The following EDEM3 variants were observed in gnomAD, a reference collection of about 807,000 sequenced individuals.
The protein encoded by EDEM3 is ER degradation-enhancing alpha-mannosidase-like protein 3.
Under a neutral mutation model 110.2 loss-of-function variants are expected in EDEM3, and 60 were observed. That is an observed-to-expected ratio of 0.54 (90% CI 0.44 to 0.67). EDEM3 has a LOEUF of 0.67. Ranked by LOEUF, EDEM3 falls within the 30% of genes least tolerant of loss-of-function variation. The pLI is 0.00. For missense variants in EDEM3, 996 were observed against 1,121.0 expected, an observed-to-expected ratio of 0.89 and a Z score of 1.59; for synonymous variants, 352 against 382.9, an observed-to-expected ratio of 0.92 and a Z score of 0.94.
rs1233888195 is a variant in EDEM3, at chr1:184,708,075, TAGAGA to T, written c.2037+73_2037+77del. 21 of 1,265,512 alleles carry T rather than the reference TAGAGA, an allele frequency of 1.7e-5. No homozygotes were observed. The East Asian group carries it at 5.8e-4, about 35-fold the overall frequency. 78.4% of individuals were successfully genotyped at this position (1,265,512 alleles called of 1,614,324 possible). Reference sequence around the variant, plus strand: ...TTTAAATAAATTAAAACTACTAAATTAGAGAAGAGACTAAGAAATAAGGCAATACT... The same window carrying T: ...TTTAAATAAATTAAAACTACTAAATTAGAGACTAAGAAATAAGGCAATACT... On this transcript the variant is annotated intron_variant, in intron 17 of 19. Coordinates refer to ENST00000318130, the MANE Select transcript of EDEM3 (RefSeq NM_025191.4).
At position 184,693,872 on chromosome 1, in the gene EDEM3, A is replaced by G; in HGVS notation, c.*191T>C. 1 of 566,808 alleles carries G rather than the reference A, an allele frequency of 1.8e-6. No individual in the cohort carries two copies. The allele number at this position is 566,808 out of a possible 1,614,324, so 35.1% of individuals were successfully genotyped here. On this transcript the variant is annotated 3_prime_UTR_variant, in exon 20 of 20. Coordinates refer to ENST00000318130, the MANE Select transcript of EDEM3 (RefSeq NM_025191.4). ...TGTGGATTTCCATTTTTGATGGGAC[A>G]GTTTTAAACAAGGTCAATTCTAACA...
Position 184,716,956 on chromosome 1 carries a change from A to G in EDEM3, c.1302T>C (p.Asn434=). Residue 434 remains asparagine (N), a synonymous_variant, in exon 13 of 20, where the codon AAT becomes AAC. Transcript: ENST00000318130. The stretch of plus-strand genomic sequence containing the variant: ...ATCCGCAAGGCACTCTAGCATATTT[A>G]TTTAAATTTTCAATAAGTGTCTTCC... The part of the protein sequence containing the change: ...EVGKTLIENL[N]KYARVPCGFA... 1 of 1,613,240 alleles carries G rather than the reference A, an allele frequency of 6.2e-7. No homozygotes were observed. Among genetic ancestry groups the G allele is most frequent in the Non-Finnish European group, 8.5e-7 (1 of 1,179,292 alleles).
In EDEM3 at chr1:184,742,414, C is replaced by T. The variant is rs143717268; in HGVS notation, c.205-4703G>A. Among the ~76,000 whole-genome samples the T allele has an allele frequency of 2.4e-3, 365 of 151,974 alleles. 2 individuals carry two copies. The highest frequency in any genetic ancestry group is 9.8e-3 in the South Asian group (47 of 4,810). On this transcript the variant is annotated intron_variant, in intron 2 of 19. Coordinates refer to ENST00000318130, the MANE Select transcript of EDEM3 (RefSeq NM_025191.4). Reference sequence around the variant, plus strand: ...AAATTCCTAATTACTTTTTTTGAAACGGAGTCTCACTCTTTCACCCAGGCT... The same window carrying T: ...AAATTCCTAATTACTTTTTTTGAAATGGAGTCTCACTCTTTCACCCAGGCT...
rs564105628 is a variant in EDEM3, at chr1:184,692,194, C to T, written c.*1869G>A. The T allele has an allele frequency of 3.3e-5, 5 of 152,182 alleles. No homozygotes were observed. In the South Asian group the frequency reaches 1.0e-3, roughly 32 times the overall value. The allele number at this position is 152,182 out of a possible 1,614,324, so 9.4% of individuals were successfully genotyped here. ...AATTAAGCTTCAACTATTTTGGCAG[C>T]TTTGCAATTAAAATGAACAAAGCAC... is the stretch of plus-strand genomic sequence containing the variant. On this transcript the variant is annotated 3_prime_UTR_variant, in exon 20 of 20. Transcript: ENST00000318130.
chr1:184,712,734 T>C (rs2102074772), intron 13 of EDEM3, 136 bp from the exon 14 acceptor site: 1 of 571,692 alleles, frequency 1.7e-6, no homozygotes, highest in Non-Finnish European at 2.9e-6. Context: ...AATGTATCAA[T>C]CTACCAGGGG....
chr1:184,704,649 C>CAAAAAAAAAAAAAAA (rs58913815), intron 18 of EDEM3, among the ~76,000 whole-genome samples: 2 of 29,906 alleles, frequency 6.7e-5, no homozygotes, highest in African/African-American at 1.1e-4. Flanking sequence ...GACTCTGTCT[C>CAAAAAAAAAAAAAAA]AAAAAAAAAA....
intron 19 of EDEM3, among the ~76,000 whole-genome samples, chr1:184,702,428 CTA>C (rs1453378689): frequency 1.3e-5 from 2 of 152,038 alleles, no homozygotes; most frequent in Non-Finnish European, 2.9e-5. Context: ...ATACAACATT[CTA>C]TATATGTCTT....
In EDEM3 at chr1:184,717,528, A is replaced by G. The variant is rs773234908; in HGVS notation, c.1245+12T>C. On this transcript the variant is annotated intron_variant, in intron 12 of 19. Coordinates refer to ENST00000318130, the MANE Select transcript of EDEM3 (RefSeq NM_025191.4). ...GGCTAAACTTTAAGTAAAATGGGGT[A>G]TATTTTCTTACTTTATATAAGAAGT... is the stretch of plus-strand genomic sequence containing the variant. 1 of 1,596,552 alleles carries G rather than the reference A, an allele frequency of 6.3e-7. No individual in the cohort carries two copies. Among genetic ancestry groups the G allele is most frequent in the Admixed American group, 1.7e-5 (1 of 58,006 alleles).
chr1:184,696,576 T>A (rs1451807608), intron 19 of EDEM3, among the ~76,000 whole-genome samples: 1 of 151,800 alleles, frequency 6.6e-6, no homozygotes, highest in African/African-American at 2.4e-5. Context: ...TTCTTAGGGT[T>A]TTTTTTCCGG....
chr1:184,708,014 C>A, intron 17 of EDEM3, 139 bp downstream of exon 17: 1 of 762,762 alleles, frequency 1.3e-6, no homozygotes, highest in East Asian at 3.1e-5. Context: ...CATGCTTTTA[C>A]TTTACTTAAA....
chr1:184,733,362 A>G (rs943093854), intron 5 of EDEM3, among the ~76,000 whole-genome samples: 1 of 152,210 alleles, frequency 6.6e-6, no homozygotes, highest in Admixed American at 6.5e-5. Flanking sequence ...TTAAAACATA[A>G]AAACCTCTCG....
chr1:184,696,769 G>T (rs1175203689), intron 19 of EDEM3, among the ~76,000 whole-genome samples: 1 of 151,936 alleles, frequency 6.6e-6, no homozygotes, highest in African/African-American at 2.4e-5. Flanking sequence ...AGAACAAAAA[G>T]AAAAATCTCC....
chr1:184,734,792 T>A, intron 4 of EDEM3, 149 bp from the exon 5 acceptor site: 1 of 326,436 alleles, frequency 3.1e-6, no homozygotes, highest in East Asian at 5.2e-5. Flanking sequence ...AAAAATGTAA[T>A]AATGTCTAAA....
chr1:184,724,059 G>C (rs1651058953), intron 7 of EDEM3, among the ~76,000 whole-genome samples: 1 of 151,902 alleles, frequency 6.6e-6, no homozygotes, highest in African/African-American at 2.4e-5. Flanking sequence ...GTGTAGTTAG[G>C]AAAGACTCTG....
At chr1:184,717,406 T>G in intron 12 of EDEM3, 134 bp downstream of exon 12, 1 of 657,100 alleles carries the variant, frequency 1.5e-6, no homozygotes, top group East Asian at 3.2e-5. Flanking sequence ...ACTAGATGAA[T>G]AAGAATCATG....
chr1:184,736,739 A>G (rs1651845137), intron 4 of EDEM3, among the ~76,000 whole-genome samples: 1 of 152,140 alleles, frequency 6.6e-6, no homozygotes. Flanking sequence ...ACTTTTTTCC[A>G]ATAGCTTCAA....
At chr1:184,751,713 G>C (rs1043327680) in intron 1 of EDEM3, among the ~76,000 whole-genome samples, 5 of 152,166 alleles carry the variant, frequency 3.3e-5, no homozygotes, top group Non-Finnish European at 4.4e-5. Context: ...ATCAGACCCA[G>C]TTCAAAAATT....
At chr1:184,746,772 G>C (rs575296125) in intron 2 of EDEM3, among the ~76,000 whole-genome samples, 54 of 152,208 alleles carry the variant, frequency 3.5e-4, no homozygotes, top group Non-Finnish European at 5.7e-4. Context: ...AAGGTTAAAG[G>C]AATTGTTCTA....
intron 19 of EDEM3, among the ~76,000 whole-genome samples, chr1:184,698,972 C>T (rs1305780742): frequency 6.6e-6 from 1 of 151,866 alleles, no homozygotes; most frequent in Non-Finnish European, 1.5e-5. Flanking sequence ...TGCTACAAAT[C>T]TTGATCCTAA....
Sources: gnomAD v4.1 joint callset for allele counts (sites outside exome capture counted in the v4.1 genomes callset) on GRCh38, gnomAD v4.1.1 for gene constraint, MANE v1.5 for transcripts, NCBI Gene and HGNC (gene_info 2026-07-23, HGNC 2026-07-21) for gene names.